Variants in LHFPL3 observed in about 807,000 individuals in gnomAD.
LHFPL3 encodes the protein LHFPL tetraspan subfamily member 3.
Under a neutral mutation model 19.3 loss-of-function variants are expected in LHFPL3, and 5 were observed. The observed-to-expected ratio is 0.26, with a 90% confidence interval of 0.14 to 0.54. The LOEUF is 0.54. LHFPL3 is among the 20% of genes least tolerant of loss of function. The pLI is 0.94. For synonymous variants in LHFPL3, 133 were observed against 126.2 expected, an observed-to-expected ratio of 1.05 and a Z score of -0.36; for missense variants, 249 against 307.4, an observed-to-expected ratio of 0.81 and a Z score of 1.42.
At chr7:104,505,186 T>C (rs563375227) in intron 1 of LHFPL3, among the ~76,000 whole-genome samples, 1 of 152,348 alleles carries the variant, frequency 6.6e-6, no homozygotes, top group East Asian at 1.9e-4. Context: ...AGGAAATGTA[T>C]ATTACTTTTC....
intron 1 of LHFPL3, among the ~76,000 whole-genome samples, chr7:104,496,286 A>G (rs1238880670): frequency 6.6e-6 from 1 of 152,190 alleles, no homozygotes; most frequent in Admixed American, 6.5e-5. Flanking sequence ...ATGTCCCTAC[A>G]AAGGACATGA....
At chr7:104,744,347 GA>G (rs558799703) in intron 2 of LHFPL3, among the ~76,000 whole-genome samples, 1 of 151,648 alleles carries the variant, frequency 6.6e-6, no homozygotes, top group Non-Finnish European at 1.5e-5. Context: ...AGGAAGCCCA[GA>G]AAAAAAAGTA....
In LHFPL3 at chr7:104,573,522, A is replaced by G. The variant is rs888466988; in HGVS notation, c.446-163153A>G. ...AATGAACTTAGGAAACTTGAGACATAAATGAAATACCAACTAGTGTGAGAT... is the reference window on the plus strand; with the variant it reads ...AATGAACTTAGGAAACTTGAGACATGAATGAAATACCAACTAGTGTGAGAT... On this transcript the variant is annotated intron_variant, in intron 1 of 2. Transcript: ENST00000424859. Among the ~76,000 whole-genome samples the G allele has an allele frequency of 4.6e-5, 7 of 152,222 alleles. No individual in the cohort carries two copies. In the East Asian group the frequency reaches 1.3e-3, roughly 29 times the overall value.
intron 1 of LHFPL3, among the ~76,000 whole-genome samples, chr7:104,545,871 A>G (rs1794570430): frequency 6.6e-6 from 1 of 152,210 alleles, no homozygotes; most frequent in Non-Finnish European, 1.5e-5. Context: ...CCTGCTTTCC[A>G]GATGGAGCAT....
At chr7:104,339,289 A>G (rs1562868693) in intron 1 of LHFPL3, among the ~76,000 whole-genome samples, 1 of 152,172 alleles carries the variant, frequency 6.6e-6, no homozygotes, top group South Asian at 2.1e-4. Flanking sequence ...AATACTAACT[A>G]TTGAGCAACG....
chr7:104,420,097 AC>A (rs1386515611), intron 1 of LHFPL3, among the ~76,000 whole-genome samples: 5 of 152,096 alleles, frequency 3.3e-5, no homozygotes, highest in Non-Finnish European at 7.4e-5. Context: ...CGTGTGGAAG[AC>A]CCCACCTGCC....
chr7:104,507,716 A>C (rs1292673971), intron 1 of LHFPL3, among the ~76,000 whole-genome samples: 1 of 133,696 alleles, frequency 7.5e-6, no homozygotes, highest in Admixed American at 8.1e-5. Context: ...TCATCTGACA[A>C]AGGGCTAATA....
intron 2 of LHFPL3, among the ~76,000 whole-genome samples, chr7:104,765,730 A>G (rs1314096783): frequency 1.3e-5 from 2 of 152,256 alleles, no homozygotes; most frequent in African/African-American, 4.8e-5. Context: ...TTGTAGCAGC[A>G]GAGCAGAGCC....
intron 1 of LHFPL3, among the ~76,000 whole-genome samples, chr7:104,616,473 A>G: frequency 6.6e-6 from 1 of 152,216 alleles, no homozygotes; most frequent in East Asian, 1.9e-4. Context: ...CTTACACCTT[A>G]TACAAAAATT....
At chr7:104,794,393 T>G (rs1424986799) in intron 2 of LHFPL3, among the ~76,000 whole-genome samples, 2 of 152,206 alleles carry the variant, frequency 1.3e-5, no homozygotes, top group African/African-American at 2.4e-5. Context: ...AGGCATGAAC[T>G]GAAAGCTATA....
At chr7:104,885,589 G>A (rs73184020) in intron 2 of LHFPL3, among the ~76,000 whole-genome samples, 32,746 of 151,778 alleles carry the variant, frequency 0.22, 3,862 homozygotes, top group Middle Eastern at 0.3. Flanking sequence ...CCTTAAAAAC[G>A]CATCTTAAAT....
chr7:104,512,930 G>A (rs189415336), intron 1 of LHFPL3, among the ~76,000 whole-genome samples: 2 of 152,252 alleles, frequency 1.3e-5, no homozygotes, highest in Non-Finnish European at 2.9e-5. Context: ...CTCTTGGCTG[G>A]TTAAACAGCT....
intron 1 of LHFPL3, among the ~76,000 whole-genome samples, chr7:104,441,333 C>T (rs1198813398): frequency 6.6e-6 from 1 of 152,096 alleles, no homozygotes; most frequent in Non-Finnish European, 1.5e-5. Flanking sequence ...AAGCCAAGGA[C>T]AATTTCTGTT....
chr7:104,595,787 C>G (rs974980682), intron 1 of LHFPL3, among the ~76,000 whole-genome samples: 2 of 152,268 alleles, frequency 1.3e-5, no homozygotes, highest in African/African-American at 4.8e-5. Context: ...CCTCCCCCAG[C>G]CAGGCTGCCA....
chr7:104,603,435 C>T (rs1275792461), intron 1 of LHFPL3, among the ~76,000 whole-genome samples: 1 of 152,016 alleles, frequency 6.6e-6, no homozygotes, highest in Admixed American at 6.6e-5. Context: ...CACAGCATTG[C>T]ACCCCTGGCC....
At chr7:104,903,071 G>A (rs1014809641) in intron 2 of LHFPL3, among the ~76,000 whole-genome samples, 2 of 152,252 alleles carry the variant, frequency 1.3e-5, no homozygotes, top group Admixed American at 6.5e-5. Context: ...CCTCCCGCAG[G>A]TATGGGTGTC....
At position 104,328,966 on chromosome 7, in the gene LHFPL3, G is replaced by C; in HGVS notation, c.187G>C (p.Asp63His). The C allele has an allele frequency of 1.9e-6, 3 of 1,614,180 alleles. No homozygotes were observed. Among genetic ancestry groups the C allele is most frequent in the Non-Finnish European group, 8.5e-7 (1 of 1,180,030 alleles). ...VCFIQPYWIGDGVDTPQAGYF... is the reference protein window; with the variant it reads ...VCFIQPYWIGHGVDTPQAGYF... ...CTTCATCCAGCCCTACTGGATAGGC[G>C]ACGGCGTGGACACCCCGCAAGCCGG... The change falls in exon 1 of 3, where the codon GAC becomes CAC. Residue 63 changes from aspartate (D) to histidine (H), a missense_variant. Transcript: ENST00000424859. The surrounding 1 kb of genome is among the most constrained non-coding windows in gnomAD (Gnocchi z 4.6).
intron 1 of LHFPL3, among the ~76,000 whole-genome samples, chr7:104,594,944 T>C (rs1340236930): frequency 6.6e-6 from 1 of 152,222 alleles, no homozygotes; most frequent in Non-Finnish European, 1.5e-5. Flanking sequence ...TCGTCTAATC[T>C]CTTTTCAACG....
At chr7:104,782,939 C>T (rs562470558) in intron 2 of LHFPL3, among the ~76,000 whole-genome samples, 28 of 152,384 alleles carry the variant, frequency 1.8e-4, no homozygotes, top group Admixed American at 1.0e-3. Flanking sequence ...AACACAAGTG[C>T]GCACGCGCGC....
Sources: gnomAD v4.1 joint callset for allele counts (sites outside exome capture counted in the v4.1 genomes callset) on GRCh38, gnomAD v4.1.1 for gene constraint, Gnocchi (gnomAD v3.1) non-coding constraint, MANE v1.5 for transcripts, NCBI Gene and HGNC (gene_info 2026-07-23, HGNC 2026-07-21) for gene names.